Variants in PATL1 observed in about 807,000 individuals in gnomAD.
The protein encoded by PATL1 is protein PAT1 homolog 1.
A neutral mutation model predicts 100.6 loss-of-function variants in PATL1; 32 were observed. That is an observed-to-expected ratio of 0.32 (90% CI 0.24 to 0.43). The LOEUF is 0.43. PATL1 is among the 20% of genes least tolerant of loss of function. The pLI, the probability that PATL1 is intolerant of heterozygous loss-of-function variation, is 1.00. For synonymous variants in PATL1, 332 were observed against 330.0 expected, an observed-to-expected ratio of 1.01 and a Z score of -0.07; for missense variants, 747 against 949.9, an observed-to-expected ratio of 0.79 and a Z score of 2.81.
chr11:59,653,812 C>G (rs1413296394), intron 9 of PATL1, among the ~76,000 whole-genome samples, 171 bp downstream of exon 9: 1 of 152,152 alleles, frequency 6.6e-6, no homozygotes, highest in Non-Finnish European at 1.5e-5. Context: ...CTGTTCCTTG[C>G]TTCTTTACTC....
chr11:59,663,708 A>AT (rs1309773561), intron 2 of PATL1, among the ~76,000 whole-genome samples: 4 of 152,220 alleles, frequency 2.6e-5, no homozygotes, highest in Non-Finnish European at 5.9e-5. Flanking sequence ...AGATGATGCA[A>AT]ACATTTTTTC....
Position 59,655,630 on chromosome 11 carries a change from C to T in PATL1, c.924G>A (p.Met308Ile). The T allele has an allele frequency of 6.3e-6, 10 of 1,598,358 alleles. No homozygotes were observed. The highest frequency in any genetic ancestry group is 7.7e-6 in the Non-Finnish European group (9 of 1,172,380). Reference protein sequence around the residue: ...PKLLQGRVGQMLPPAPGFRAF... With the variant: ...PKLLQGRVGQILPPAPGFRAF... Reference sequence around the variant, plus strand: ...CACGGAAGCCTGGTGCTGGGGGAAGCATCTGCCCAACTCGCCCTTGTAGCA... The same window carrying T: ...CACGGAAGCCTGGTGCTGGGGGAAGTATCTGCCCAACTCGCCCTTGTAGCA... Residue 308 changes from methionine to isoleucine, a missense_variant, in exon 8 of 19, where the codon ATG (methionine) becomes ATA (isoleucine). Physicochemically the swap from Met to Ile is conservative, Grantham distance 10. Transcript: ENST00000300146.
rs199522211 is a variant in PATL1, at chr11:59,651,376, G to GT, written c.1524+167dup. Among the ~76,000 whole-genome samples the GT allele has an allele frequency of 6.9e-3, 1,052 of 152,292 alleles. 8 individuals are homozygous for GT. The highest frequency in any genetic ancestry group is 0.012 in the Admixed American group (184 of 15,286). Reference sequence around the variant, plus strand: ...CTGCCTGGCTGCCTTAGAAATGAAGGTGTTAATACTGCAGCACATCTGTGG... The same window carrying GT: ...CTGCCTGGCTGCCTTAGAAATGAAGGTTGTTAATACTGCAGCACATCTGTGG... On this transcript the variant is annotated intron_variant, in intron 12 of 18. Coordinates refer to ENST00000300146, the MANE Select transcript of PATL1 (RefSeq NM_152716.3).
intron 2 of PATL1, among the ~76,000 whole-genome samples, chr11:59,660,364 C>T (rs1468557639): frequency 2.0e-5 from 3 of 151,988 alleles, no homozygotes; most frequent in African/African-American, 7.3e-5. Context: ...AGATGATAGA[C>T]AATAAGCATA....
intron 2 of PATL1, among the ~76,000 whole-genome samples, chr11:59,666,161 GT>G (rs1861687029): frequency 6.6e-6 from 1 of 152,072 alleles, no homozygotes; most frequent in Admixed American, 6.6e-5. Context: ...CAGGAGAACT[GT>G]TTGAACTCAG....
At position 59,654,032 on chromosome 11, in the gene PATL1, G is replaced by A; in HGVS notation, c.1072C>T (p.His358Tyr). 1 of 1,613,834 alleles carries A rather than the reference G, an allele frequency of 6.2e-7. No individual in the cohort carries two copies. Among genetic ancestry groups the A allele is most frequent in the Non-Finnish European group, 8.5e-7 (1 of 1,179,778 alleles). ...TGCAAGAGTCGACGGTGCTGTGGAT[G>A]GAGGTGAGTTGTGTCCGGTCTAAAC... ...PMFRPDTTHL[H>Y]PQHRRLLHQR... The change falls in exon 9 of 19, where the codon CAT becomes TAT. Residue 358 changes from histidine (H) to tyrosine (Y), a missense_variant. Coordinates refer to ENST00000300146, the MANE Select transcript of PATL1 (RefSeq NM_152716.3).
chr11:59,648,532 AAAAAG>A (rs1264709204), intron 14 of PATL1, among the ~76,000 whole-genome samples: 1 of 151,828 alleles, frequency 6.6e-6, no homozygotes, highest in African/African-American at 2.4e-5. Context: ...AAAAAAAAGA[AAAAAG>A]AAAATAAAAA....
Position 59,656,051 on chromosome 11 carries a change from GTA to G in PATL1, c.724-8_724-7del. The G allele has an allele frequency of 1.1e-6, 1 of 937,188 alleles. No individual in the cohort carries two copies. The highest frequency in any genetic ancestry group is 2.2e-5 in the South Asian group (1 of 44,628). The allele number at this position is 937,188 out of a possible 1,614,324, so 58.1% of individuals were successfully genotyped here. On this transcript the variant is annotated splice_polypyrimidine_tract_variant and splice_region_variant and intron_variant, in intron 6 of 18. Transcript: ENST00000300146. ...TGACCCAGGAGGGAAGAGTTCTAAG[GTA>G]AAAAAAAAAAAAAAAAAAAGAATAT...
chr11:59,666,965 C>CT lies in PATL1; in HGVS notation c.16-2dup. Reference sequence around the variant, plus strand: ...CATCCAGAGGACAATCCTCCAAAGACTAAAAAAAAAGAAAAGACATTAGTT... The same window carrying CT: ...CATCCAGAGGACAATCCTCCAAAGACTTAAAAAAAAAGAAAAGACATTAGTT... On this transcript the variant is annotated splice_acceptor_variant, in intron 1 of 18. Transcript: ENST00000300146. LOFTEE classifies it high-confidence loss of function. The CT allele has an allele frequency of 1.3e-6, 2 of 1,534,018 alleles. No homozygotes were observed. The highest frequency in any genetic ancestry group is 1.8e-6 in the Non-Finnish European group (2 of 1,142,200).
intron 15 of PATL1, among the ~76,000 whole-genome samples, chr11:59,645,839 TAG>T (rs923855680): frequency 1.3e-5 from 2 of 152,204 alleles, no homozygotes; most frequent in African/African-American, 4.8e-5. Flanking sequence ...TTTCTGGCAC[TAG>T]ATATTCCAGG....
rs762087059 is a variant in PATL1, at chr11:59,642,906, G to A, written c.2023C>T (p.His675Tyr). The A allele has an allele frequency of 6.2e-7, 1 of 1,613,742 alleles. No homozygotes were observed. ...SAATPALSNPHLTAVLQNKFG... is the reference protein window; with the variant it reads ...SAATPALSNPYLTAVLQNKFG... ...TTGTTCTGGAGCACAGCAGTGAGGT[G>A]AGGATTGGAGAGTGCTGGTGTAGCT... Residue 675 changes from histidine (H) to tyrosine (Y), a missense_variant, in exon 16 of 19, where the codon CAC becomes TAC. This residue lies in a region of PATL1 where 434 missense variants were observed against 596.1 expected (regional missense o/e 0.73). Coordinates refer to ENST00000300146, the MANE Select transcript of PATL1 (RefSeq NM_152716.3).
At chr11:59,668,810 C>T in intron 1 of PATL1, 71 bp downstream of exon 1, 2 of 770,212 alleles carry the variant, frequency 2.6e-6, no homozygotes, top group Non-Finnish European at 4.2e-6. Context: ...ACAGGACCGG[C>T]GCGCGGAGAG....
chr11:59,660,147 A>G (rs1450803148), intron 2 of PATL1, among the ~76,000 whole-genome samples: 2 of 152,140 alleles, frequency 1.3e-5, no homozygotes, highest in Non-Finnish European at 2.9e-5. Flanking sequence ...GGGAAGTTAA[A>G]ACTCATAGCA....
At position 59,649,503 on chromosome 11, in the gene PATL1, G is replaced by A; in HGVS notation, c.1692C>T (p.Ser564=). The stretch of plus-strand genomic sequence containing the variant: ...ATTTCCCCCTTAAGTTGTCATACAT[G>A]CTACAAATTTTGTGCTTTCTGTCAT... ...LMDDRKHKIC[S]MYDNLRGKLP... is the part of the protein sequence containing the mutation. The change falls in exon 14 of 19, where the codon AGC becomes AGT. Residue 564 remains serine, a synonymous_variant. Transcript: ENST00000300146. The A allele has an allele frequency of 6.2e-7, 1 of 1,613,890 alleles. No homozygotes were observed. The highest frequency in any genetic ancestry group is 8.5e-7 in the Non-Finnish European group (1 of 1,179,850).
At chr11:59,656,986 G>A (rs780929744) in intron 5 of PATL1, 6 of 750,382 alleles carry the variant, frequency 8.0e-6, no homozygotes, top group Admixed American at 6.3e-5. Flanking sequence ...TGATATGGCC[G>A]CCATGCTCAG....
At chr11:59,659,536 TG>T (rs1336032333) in intron 2 of PATL1, 67 bp from the exon 3 acceptor site, 6 of 1,420,762 alleles carry the variant, frequency 4.2e-6, no homozygotes, top group East Asian at 2.5e-5. Flanking sequence ...ACACAATTAT[TG>T]TTTTTTTTTT....
chr11:59,667,525 C>G (rs572815531), intron 1 of PATL1, among the ~76,000 whole-genome samples: 1 of 152,330 alleles, frequency 6.6e-6, no homozygotes, highest in Admixed American at 6.5e-5. Flanking sequence ...TCTGGAAAAG[C>G]TGTGGTATGA....
Position 59,653,104 on chromosome 11 carries a change from T to TC in PATL1, c.1122-87_1122-86insG, listed in dbSNP as rs1297363152. 14 of 1,270,402 alleles carry TC rather than the reference T, an allele frequency of 1.1e-5. No individual in the cohort carries two copies. The East Asian group carries it at 2.6e-4, about 24-fold the overall frequency. 78.7% of individuals were successfully genotyped at this position (1,270,402 alleles called of 1,614,324 possible). On this transcript the variant is annotated intron_variant, in intron 9 of 18. Transcript: ENST00000300146. ...GAGGAATAAACCAGGCCAGTTTTTTTTTTTTTTTTTAAAGATTCCCGTTTG... is the reference window on the plus strand; with the variant it reads ...GAGGAATAAACCAGGCCAGTTTTTTTCTTTTTTTTTTAAAGATTCCCGTTTG...
rs1407073337 is a variant in PATL1 at position 59,639,581 on chromosome 11, A to G, written c.2050-198T>C. On this transcript the variant is annotated intron_variant, in intron 16 of 18. Coordinates refer to ENST00000300146, the MANE Select transcript of PATL1 (RefSeq NM_152716.3). ...GTCTCTCTCCAGGCTTTATTCTGCC[A>G]TAGCAGTGACCAGGCGCAGCCAACA... The G allele has an allele frequency of 5.6e-6, 3 of 536,350 alleles. No homozygotes were observed. The African/African-American group carries it at 5.7e-5, about 10-fold the overall frequency. The allele number at this position is 536,350 out of a possible 1,614,324, so 33.2% of individuals were successfully genotyped here.
Sources: gnomAD v4.1 joint callset for allele counts (sites outside exome capture counted in the v4.1 genomes callset) on GRCh38, gnomAD v4.1.1 for gene constraint, gnomAD v4.1.1 regional missense constraint, MANE v1.5 for transcripts, NCBI Gene and HGNC (gene_info 2026-07-23, HGNC 2026-07-21) for gene names.